SVIL: variants seen among roughly 807,000 people sequenced by gnomAD.
SVIL encodes the protein supervillin, also known as archvillin.
SVIL carries 101 observed loss-of-function variants against 240.4 expected under a neutral mutation model. The ratio of observed to expected loss-of-function variants is 0.42; its 90% CI spans 0.36 to 0.50. SVIL has a LOEUF of 0.50. SVIL is among the 20% of genes least tolerant of loss of function. The pLI, the probability that SVIL is intolerant of heterozygous loss-of-function variation, is 0.01. For synonymous variants in SVIL, 999 were observed against 1,100.0 expected (o/e 0.91, Z 1.82); for missense variants, 2,512 against 2,818.7 (o/e 0.89, Z 2.46).
chr10:29,634,863 C>A lies in SVIL; in HGVS notation c.-644G>T, dbSNP rs185401167. ...TTGAAGTTTTTCGTCCCCTAGTGTC[C>A]TCGAGGCTGAACTTCCCCAACCTGG... On this transcript the variant is annotated 5_prime_UTR_variant, in exon 1 of 38. It adds an upstream start codon to the 5' untranslated region. Coordinates refer to ENST00000355867, the MANE Select transcript of SVIL (RefSeq NM_021738.3). 391 of 152,138 alleles carry A rather than the reference C, an allele frequency of 2.6e-3. 1 individual carries two copies. The highest frequency in any genetic ancestry group is 8.7e-3 in the African/African-American group (359 of 41,494). The allele number at this position is 152,138 out of a possible 1,614,324, so 9.4% of individuals were successfully genotyped here.
chr10:29,466,735 G>T (rs1460886256), intron 33 of SVIL, among the ~76,000 whole-genome samples: 6 of 151,896 alleles, frequency 4.0e-5, no homozygotes, highest in Non-Finnish European at 8.8e-5. Context: ...AAGGAAAAAA[G>T]GTTACAAAAC....
chr10:29,466,423 T>G (rs1944934738), intron 33 of SVIL, among the ~76,000 whole-genome samples: 1 of 152,200 alleles, frequency 6.6e-6, no homozygotes, highest in African/African-American at 2.4e-5. Context: ...TGAACGCTTC[T>G]GTGTATTGCA....
At chr10:29,643,911 C>G in intron 3 of SVIL, 1 of 493,622 alleles carries the variant, frequency 2.0e-6, no homozygotes, top group Non-Finnish European at 4.0e-6. Context: ...TGTGAACTTG[C>G]CAGGGGTGAG....
At chr10:29,666,383 T>C (rs775734334) in intron 2 of SVIL, among the ~76,000 whole-genome samples, 18 of 152,248 alleles carry the variant, frequency 1.2e-4, no homozygotes, top group Non-Finnish European at 1.2e-4. Flanking sequence ...ATCTGACTTC[T>C]CTGCCTGGGG....
chr10:29,576,158 C>T (rs962228664), intron 1 of SVIL: 16 of 982,268 alleles, frequency 1.6e-5, no homozygotes, highest in Admixed American at 1.2e-4. Flanking sequence ...ATGCTGTGAA[C>T]GATGCCAATG....
intron 17 of SVIL, among the ~76,000 whole-genome samples, chr10:29,502,741 T>C (rs1948998614): frequency 6.6e-6 from 1 of 152,056 alleles, no homozygotes; most frequent in Non-Finnish European, 1.5e-5. Flanking sequence ...AAGGAGGTTC[T>C]TGTCTTAGGG....
chr10:29,613,272 G>C (rs185714857), intron 1 of SVIL, among the ~76,000 whole-genome samples: 1 of 151,920 alleles, frequency 6.6e-6, no homozygotes, highest in East Asian at 1.9e-4. Flanking sequence ...CTCTGGTTTT[G>C]AGTAAATAGG....
intron 17 of SVIL, among the ~76,000 whole-genome samples, chr10:29,504,984 G>A (rs1439030999): frequency 2.6e-5 from 4 of 152,240 alleles, no homozygotes; most frequent in Non-Finnish European, 5.9e-5. Flanking sequence ...ACTGTGGCAC[G>A]TTCAGATAAT....
chr10:29,470,559 G>C (rs1945452533), intron 31 of SVIL, 76 bp from the exon 32 acceptor site: 4 of 1,546,894 alleles, frequency 2.6e-6, no homozygotes, highest in Non-Finnish European at 3.5e-6. Context: ...CCTAGTGTCC[G>C]CTGTGTCGTC....
At chr10:29,502,724 A>C (rs1328050420) in intron 17 of SVIL, among the ~76,000 whole-genome samples, 1 of 151,980 alleles carries the variant, frequency 6.6e-6, no homozygotes, top group Non-Finnish European at 1.5e-5. Flanking sequence ...GCAGTGAAAT[A>C]GGTAGAAAGG....
At chr10:29,557,954 T>C (rs1370888173) in intron 3 of SVIL, among the ~76,000 whole-genome samples, 1 of 152,190 alleles carries the variant, frequency 6.6e-6, no homozygotes, top group Non-Finnish European at 1.5e-5. Context: ...TGCCGCAGGA[T>C]GTTGAATGTC....
intron 1 of SVIL, among the ~76,000 whole-genome samples, chr10:29,698,915 C>T (rs1301535035): frequency 2.0e-5 from 3 of 152,136 alleles, no homozygotes; most frequent in Non-Finnish European, 4.4e-5. Context: ...AATCTCCCTC[C>T]GGCTGTGACT....
chr10:29,690,940 G>A (rs1212806656), intron 1 of SVIL, among the ~76,000 whole-genome samples: 2 of 152,190 alleles, frequency 1.3e-5, no homozygotes, highest in African/African-American at 4.8e-5. Context: ...TATGAAGATA[G>A]TTAATATTCA....
chr10:29,663,502 G>T (rs916939370), intron 2 of SVIL, among the ~76,000 whole-genome samples: 2 of 152,034 alleles, frequency 1.3e-5, no homozygotes, highest in Admixed American at 1.3e-4. Flanking sequence ...AATTACAGGT[G>T]TGCACCACAA....
chr10:29,580,924 A>G (rs1955917922), intron 1 of SVIL, among the ~76,000 whole-genome samples: 1 of 152,218 alleles, frequency 6.6e-6, no homozygotes, highest in South Asian at 2.1e-4. Flanking sequence ...CTGGGATTAC[A>G]GGCGTGAGCC....
chr10:29,481,636 G>A lies in SVIL; in HGVS notation c.5048C>T (p.Thr1683Met), dbSNP rs376114325. 264 of 1,614,024 alleles carry A rather than the reference G, an allele frequency of 1.6e-4. No homozygotes were observed. In the South Asian group the frequency reaches 1.9e-3, roughly 12 times the overall value. ...CTTCTCATTCGATCTCTTCAGTTCC[G>A]TCCAATCCAGAAACTTCTCTTTGAA... ...ILFKEKFLDW[T>M]ELKRSNEKNP... Residue 1683 changes from threonine (T) to methionine (M), a missense_variant, in exon 28 of 38, where the codon ACG becomes ATG. Transcript: ENST00000355867.
At chr10:29,733,442 A>T (rs980648412) in intron 1 of SVIL, among the ~76,000 whole-genome samples, 8 of 152,072 alleles carry the variant, frequency 5.3e-5, no homozygotes, top group Non-Finnish European at 1.5e-5. Flanking sequence ...CTCCCACCTC[A>T]GCATCCCAAG....
intron 17 of SVIL, 76 bp from the exon 18 acceptor site, chr10:29,499,339 T>G: frequency 6.3e-7 from 1 of 1,582,238 alleles, no homozygotes; most frequent in Non-Finnish European, 8.6e-7. Context: ...CAGCATTTCA[T>G]GAGTGAAAAA....
intron 24 of SVIL, 55 bp from the exon 25 acceptor site, chr10:29,486,612 G>C (rs988631895): frequency 6.2e-7 from 1 of 1,604,412 alleles, no homozygotes; most frequent in Admixed American, 1.7e-5. Flanking sequence ...GCTAGACAGA[G>C]TGGCACATGT....
Sources: gnomAD v4.1 joint callset for allele counts (sites outside exome capture counted in the v4.1 genomes callset) on GRCh38, gnomAD v4.1.1 for gene constraint, MANE v1.5 for transcripts, NCBI Gene and HGNC (gene_info 2026-07-23, HGNC 2026-07-21) for gene names.